Variants in PTPRT observed in about 807,000 individuals in gnomAD.
The protein encoded by PTPRT is protein tyrosine phosphatase receptor type T.
In PTPRT, 56 loss-of-function variants were observed where a neutral mutation model predicts 176.8. The observed-to-expected ratio is 0.32, with a 90% CI of 0.26 to 0.40. The LOEUF (loss-of-function observed/expected upper bound fraction) is 0.40. Ranked by LOEUF, PTPRT falls within the 10% of genes least tolerant of loss-of-function variation. The pLI is 1.00. For synonymous variants in PTPRT, 783 were observed against 739.0 expected, an observed-to-expected ratio of 1.06 and a Z score of -0.96; for missense variants, 1,540 against 1,908.2, an observed-to-expected ratio of 0.81 and a Z score of 3.60.
At chr20:42,043,946 G>T in the PTPRT span, among the ~76,000 whole-genome samples, 1 of 152,162 alleles carries the variant, frequency 6.6e-6, no homozygotes, top group African/African-American at 2.4e-5. Flanking sequence ...CATTGCTCTC[G>T]AGAGCTCCTG....
intron 6 of PTPRT, among the ~76,000 whole-genome samples, chr20:42,744,369 A>T (rs903688740): frequency 2.0e-5 from 3 of 151,930 alleles, no homozygotes; most frequent in African/African-American, 4.8e-5. Context: ...AGGAGACTTT[A>T]AAAAAAAATC....
intron 1 of PTPRT, among the ~76,000 whole-genome samples, chr20:43,104,975 C>G (rs2012537652): frequency 6.6e-6 from 1 of 152,120 alleles, no homozygotes; most frequent in Non-Finnish European, 1.5e-5. Context: ...CCGGGTCAAT[C>G]TGGGGTACAA....
intron 1 of PTPRT, among the ~76,000 whole-genome samples, chr20:43,085,875 C>T (rs971186802): frequency 6.6e-6 from 1 of 152,066 alleles, no homozygotes; most frequent in Non-Finnish European, 1.5e-5. Context: ...AAACACTCTA[C>T]CCAAAGTACA....
intron 1 of PTPRT, among the ~76,000 whole-genome samples, chr20:42,916,218 G>A (rs1978745875): frequency 6.8e-6 from 1 of 147,848 alleles, no homozygotes; most frequent in Admixed American, 7.0e-5. Flanking sequence ...TGCAGTGTTT[G>A]GTTTTATGTC....
At chr20:43,071,678 G>C (rs369515678) in intron 1 of PTPRT, among the ~76,000 whole-genome samples, 4 of 144,374 alleles carry the variant, frequency 2.8e-5, no homozygotes, top group Non-Finnish European at 5.9e-5. Flanking sequence ...CCAGCTACTC[G>C]GGAGGCTGAG....
Position 42,081,927 on chromosome 20 carries a change from G to A in PTPRT, c.4227C>T (p.Ile1409=), listed in dbSNP as rs1423459994. ...ATTTGTTGTTACGCAGTGTTTTCAC[G>A]ATGTGGAACACGTCAATGATGTTTT... The part of the protein sequence containing the change: ...QQQNIIDVFH[I]VKTLRNNKSN... Residue 1409 remains isoleucine (I), a synonymous_variant, in exon 30 of 31, where the codon ATC becomes ATT. Transcript: ENST00000373187. The A allele has an allele frequency of 2.5e-6, 4 of 1,614,206 alleles. No homozygotes were observed. The highest frequency in any genetic ancestry group is 1.7e-5 in the Admixed American group (1 of 60,010).
chr20:42,963,453 G>A (rs980304292), intron 1 of PTPRT, among the ~76,000 whole-genome samples: 49 of 151,224 alleles, frequency 3.2e-4, no homozygotes, highest in Non-Finnish European at 5.6e-4. Context: ...CTAACCAAAT[G>A]GGGTCATTTT....
At chr20:42,046,338 CT>C in the PTPRT span, among the ~76,000 whole-genome samples, 1 of 152,220 alleles carries the variant, frequency 6.6e-6, no homozygotes, top group Admixed American at 6.5e-5. Flanking sequence ...ATGGCACTTC[CT>C]GGGGGTTGAG....
intron 2 of PTPRT, among the ~76,000 whole-genome samples, chr20:42,875,724 G>A (rs189082971): frequency 6.6e-6 from 1 of 152,294 alleles, no homozygotes; most frequent in East Asian, 1.9e-4. Flanking sequence ...TGGGAGCTAT[G>A]ATTCTATTCA....
intron 6 of PTPRT, among the ~76,000 whole-genome samples, chr20:42,740,947 G>C (rs2076599871): frequency 1.3e-5 from 2 of 152,152 alleles, no homozygotes; most frequent in South Asian, 4.1e-4. Context: ...TAAATCCTCA[G>C]AGGTCTATTA....
chr20:42,346,022 A>G (rs1462501457), intron 11 of PTPRT, among the ~76,000 whole-genome samples: 1 of 152,168 alleles, frequency 6.6e-6, no homozygotes, highest in Admixed American at 6.5e-5. Context: ...CCAGCAGTTC[A>G]GTGGGGGGTG....
At chr20:42,648,779 T>C (rs2074964134) in intron 7 of PTPRT, among the ~76,000 whole-genome samples, 1 of 150,528 alleles carries the variant, frequency 6.6e-6, no homozygotes, top group Non-Finnish European at 1.5e-5. Context: ...TAAGAGTGGG[T>C]AATTTCTAAA....
chr20:42,094,223 G>A (rs186237857), intron 27 of PTPRT, among the ~76,000 whole-genome samples: 12 of 152,324 alleles, frequency 7.9e-5, no homozygotes, highest in Admixed American at 6.5e-4. Context: ...TTGCAGGCCA[G>A]ACTTCATGCC....
chr20:42,974,638 A>G (rs1982838855), intron 1 of PTPRT, among the ~76,000 whole-genome samples: 1 of 152,178 alleles, frequency 6.6e-6, no homozygotes, highest in African/African-American at 2.4e-5. Flanking sequence ...AAGCAATCGC[A>G]AGTGCTGGGT....
chr20:42,345,612 G>GTATATA (rs2058182351), intron 11 of PTPRT, among the ~76,000 whole-genome samples: 1 of 131,688 alleles, frequency 7.6e-6, no homozygotes. Flanking sequence ...GTGTGTGTGT[G>GTATATA]TGTGTGTATA....
rs1369484984 is a variant in PTPRT, at chr20:43,189,546, G to A, written c.88+100C>T. ...CGGCCATGGGGACCCGCGCCCCCGC[G>A]AGCCCACACAACTTTCTCCTCCGAG... On this transcript the variant is annotated intron_variant, in intron 1 of 30. Coordinates refer to ENST00000373187, the MANE Select transcript of PTPRT (RefSeq NM_007050.6). This position sits in a 1 kb window ranked among gnomAD's most constrained non-coding sequence, Gnocchi z 5.0. 2 of 747,306 alleles carry A rather than the reference G, an allele frequency of 2.7e-6. No homozygotes were observed. Among genetic ancestry groups the A allele is most frequent in the African/African-American group, 3.7e-5 (2 of 54,252 alleles). The allele number at this position is 747,306 out of a possible 1,614,324, so 46.3% of individuals were successfully genotyped here.
At chr20:43,057,295 AG>A (rs1159073339) in intron 1 of PTPRT, among the ~76,000 whole-genome samples, 2 of 54,774 alleles carry the variant, frequency 3.7e-5, no homozygotes, top group East Asian at 6.8e-4. Flanking sequence ...AGGGGAGGGG[AG>A]GGGGGAAGGA....
At chr20:42,890,396 C>T (rs1178265099) in intron 1 of PTPRT, among the ~76,000 whole-genome samples, 1 of 152,172 alleles carries the variant, frequency 6.6e-6, no homozygotes, top group African/African-American at 2.4e-5. Context: ...CTGTTGGGCT[C>T]ATATCCCTTC....
At chr20:42,130,323 C>T (rs939202283) in intron 18 of PTPRT, among the ~76,000 whole-genome samples, 1 of 152,114 alleles carries the variant, frequency 6.6e-6, no homozygotes, top group African/African-American at 2.4e-5. Context: ...GTGGAGTTGG[C>T]AGTGCTCAGG....
Sources: gnomAD v4.1 joint callset for allele counts (sites outside exome capture counted in the v4.1 genomes callset) on GRCh38, gnomAD v4.1.1 for gene constraint, Gnocchi (gnomAD v3.1) non-coding constraint, MANE v1.5 for transcripts, NCBI Gene and HGNC (gene_info 2026-07-23, HGNC 2026-07-21) for gene names.